Variants in CRTC3 observed in about 807,000 individuals in gnomAD.
CRTC3 encodes CREB regulated transcription coactivator 3.
A neutral mutation model predicts 74.5 loss-of-function variants in CRTC3; 26 were observed. The ratio of observed to expected loss-of-function variants is 0.35; its 90% CI spans 0.26 to 0.48. The LOEUF is 0.48. Among genes scored for constraint, CRTC3 ranks in the 20% least tolerant of loss-of-function variants. The pLI, the probability that CRTC3 is intolerant of heterozygous loss-of-function variation, is 0.99. For missense variants in CRTC3, 760 were observed against 787.3 expected (o/e 0.97, Z 0.41); for synonymous variants, 377 against 325.8 (o/e 1.16, Z -1.69).
chr15:90,628,987 T>C (rs1007035547), intron 10 of CRTC3, among the ~76,000 whole-genome samples: 3 of 152,188 alleles, frequency 2.0e-5, no homozygotes, highest in African/African-American at 7.2e-5. Context: ...CTAGGGGTTG[T>C]TGACGTGATC....
At chr15:90,598,516 G>T in intron 3 of CRTC3, 1 of 702,778 alleles carries the variant, frequency 1.4e-6, no homozygotes, top group Non-Finnish European at 2.6e-6. Flanking sequence ...AGATTTTCCT[G>T]CACAGAACTG....
intron 2 of CRTC3, among the ~76,000 whole-genome samples, chr15:90,542,844 T>C (rs971429411): frequency 2.0e-5 from 3 of 152,220 alleles, no homozygotes; most frequent in African/African-American, 7.2e-5. Context: ...TTTGTAGATA[T>C]AACCCCTCAA....
intron 6 of CRTC3, 94 bp downstream of exon 6, chr15:90,607,572 C>T: frequency 1.3e-6 from 1 of 754,886 alleles, no homozygotes; most frequent in Non-Finnish European, 2.2e-6. Flanking sequence ...GTTTGCGCTT[C>T]CCGGTTCAGT....
intron 1 of CRTC3, among the ~76,000 whole-genome samples, chr15:90,539,387 G>A (rs1288706525): frequency 6.7e-6 from 1 of 149,300 alleles, no homozygotes; most frequent in Non-Finnish European, 1.5e-5. Context: ...CAATATCAAT[G>A]AGTTTTTTTG....
At chr15:90,625,753 A>C (rs1457624284) in intron 9 of CRTC3, 23 bp from the exon 10 acceptor site, 1 of 1,592,434 alleles carries the variant, frequency 6.3e-7, no homozygotes. Context: ...GTAGAAAGTC[A>C]TTCTTAATCT....
chr15:90,641,405 A>C, intron 14 of CRTC3: 1 of 567,744 alleles, frequency 1.8e-6, no homozygotes. Context: ...CTTTTCTGAA[A>C]GATTTCATCT....
chr15:90,547,731 G>C (rs1312392723), intron 2 of CRTC3, among the ~76,000 whole-genome samples: 1 of 152,070 alleles, frequency 6.6e-6, no homozygotes, highest in Non-Finnish European at 1.5e-5. Flanking sequence ...CGAGGGCTAG[G>C]GCTGTCTCTT....
At chr15:90,639,788 C>T (rs1969373756) in intron 13 of CRTC3, among the ~76,000 whole-genome samples, 1 of 149,760 alleles carries the variant, frequency 6.7e-6, no homozygotes, top group South Asian at 2.1e-4. Flanking sequence ...TGGCTCACGC[C>T]TGTAATCCCA....
intron 11 of CRTC3, among the ~76,000 whole-genome samples, chr15:90,636,959 C>G (rs1969260871): frequency 6.6e-6 from 1 of 152,178 alleles, no homozygotes; most frequent in South Asian, 2.1e-4. Flanking sequence ...GTTGGTGGGA[C>G]TGTAAACTAG....
chr15:90,542,196 TGA>T (rs1966814156), intron 2 of CRTC3, among the ~76,000 whole-genome samples: 1 of 146,560 alleles, frequency 6.8e-6, no homozygotes, highest in African/African-American at 2.5e-5. Flanking sequence ...TTTTTTTTTT[TGA>T]GACCGAGTCT....
At chr15:90,641,303 G>A (rs1969432858) in intron 14 of CRTC3, 104 bp downstream of exon 14, 1 of 812,582 alleles carries the variant, frequency 1.2e-6, no homozygotes, top group South Asian at 1.6e-5. Flanking sequence ...AAAGCAAAAA[G>A]TTAACGTTCC....
At chr15:90,640,716 CCATA>C (rs903141082) in intron 13 of CRTC3, among the ~76,000 whole-genome samples, 2 of 151,888 alleles carry the variant, frequency 1.3e-5, no homozygotes, top group Non-Finnish European at 2.9e-5. Context: ...GAAGAAGAGT[CCATA>C]CTTCCTTGGT....
rs139057971 is a variant in CRTC3, at chr15:90,638,299, T to A, written c.1267-147T>A. 48 of 625,798 alleles carry A rather than the reference T, an allele frequency of 7.7e-5. No homozygotes were observed. The African/African-American group carries it at 8.3e-4, about 11-fold the overall frequency. The allele number at this position is 625,798 out of a possible 1,614,324, so 38.8% of individuals were successfully genotyped here. On this transcript the variant is annotated intron_variant, in intron 11 of 14. Coordinates refer to ENST00000268184, the MANE Select transcript of CRTC3 (RefSeq NM_022769.5). ...AAAATTTGAGATATACTTTGAAGGATGAGAAACGGGCTTCTCACAGCATTG... is the reference window on the plus strand; with the variant it reads ...AAAATTTGAGATATACTTTGAAGGAAGAGAAACGGGCTTCTCACAGCATTG...
chr15:90,619,424 T>C (rs1968580212), intron 8 of CRTC3, among the ~76,000 whole-genome samples: 1 of 152,212 alleles, frequency 6.6e-6, no homozygotes, highest in Non-Finnish European at 1.5e-5. Context: ...CCACTGCCAC[T>C]CCAGCCTGGA....
At chr15:90,634,939 T>G in intron 11 of CRTC3, 1 of 1,573,854 alleles carries the variant, frequency 6.4e-7, no homozygotes, top group Non-Finnish European at 8.7e-7. Flanking sequence ...GATAAAGTTC[T>G]TCTCCCAGAA....
chr15:90,553,575 T>C (rs1468071606), intron 2 of CRTC3, among the ~76,000 whole-genome samples: 1 of 152,146 alleles, frequency 6.6e-6, no homozygotes, highest in Admixed American at 6.6e-5. Context: ...TGTTTGAAAT[T>C]ATAGAAGGGG....
intron 13 of CRTC3, 100 bp downstream of exon 13, chr15:90,638,915 A>C: frequency 1.0e-6 from 1 of 987,476 alleles, no homozygotes; most frequent in Non-Finnish European, 1.6e-6. Flanking sequence ...CAGACATGCC[A>C]CTTTCCTGGT....
chr15:90,547,942 G>T (rs1387049412), intron 2 of CRTC3, among the ~76,000 whole-genome samples: 1 of 142,202 alleles, frequency 7.0e-6, no homozygotes, highest in Non-Finnish European at 1.5e-5. Context: ...CAGCTGGAGC[G>T]CAATGATGTG....
At chr15:90,619,877 G>A in intron 9 of CRTC3, 87 bp downstream of exon 9, 1 of 1,133,864 alleles carries the variant, frequency 8.8e-7, no homozygotes. Context: ...AGAACTCTCA[G>A]AAACGTAACT....
Sources: allele counts gnomAD v4.1 joint callset (sites outside exome capture counted in the v4.1 genomes callset), GRCh38; gene constraint gnomAD v4.1.1; transcripts MANE v1.5; gene names NCBI Gene and HGNC (gene_info 2026-07-23, HGNC 2026-07-21).